The following TLK1 variants were observed in gnomAD, a reference collection of about 807,000 sequenced individuals.
TLK1 encodes tousled like kinase 1.
Under a neutral mutation model 105.3 loss-of-function variants are expected in TLK1, and 24 were observed. That is an observed-to-expected ratio of 0.23 (90% confidence interval 0.17 to 0.32). The LOEUF (loss-of-function observed/expected upper bound fraction) is 0.32, where lower values mean the gene tolerates loss of function less well. TLK1 is among the 10% of genes least tolerant of loss of function. The pLI is 1.00. For missense variants in TLK1, 558 were observed against 910.5 expected, an observed-to-expected ratio of 0.61 and a Z score of 4.98; for synonymous variants, 321 against 310.4, an observed-to-expected ratio of 1.03 and a Z score of -0.36.
chr2:171,033,097 T>C (rs1328540014), intron 11 of TLK1, among the ~76,000 whole-genome samples: 1 of 151,656 alleles, frequency 6.6e-6, no homozygotes, highest in African/African-American at 2.4e-5. Context: ...TCCCAGATAC[T>C]TGGGAGGTTG....
chr2:171,013,197 G>A (rs1354757479), intron 13 of TLK1, among the ~76,000 whole-genome samples: 1 of 151,518 alleles, frequency 6.6e-6, no homozygotes, highest in African/African-American at 2.4e-5. Flanking sequence ...ATTTTTAGTA[G>A]AGATGGGGTT....
chr2:171,139,335 C>T (rs1373609021), intron 1 of TLK1, among the ~76,000 whole-genome samples: 1 of 152,144 alleles, frequency 6.6e-6, no homozygotes, highest in African/African-American at 2.4e-5. Flanking sequence ...TGGTGGCTCA[C>T]GCCTGTAATC....
chr2:171,209,825 C>T (rs150494527), intron 1 of TLK1, among the ~76,000 whole-genome samples: 43 of 152,236 alleles, frequency 2.8e-4, no homozygotes, highest in African/African-American at 9.9e-4. Flanking sequence ...AGAAACTAAC[C>T]TTGCCTACAC....
chr2:171,059,595 G>A (rs1483816242), intron 4 of TLK1, among the ~76,000 whole-genome samples: 2 of 152,022 alleles, frequency 1.3e-5, no homozygotes, highest in Non-Finnish European at 2.9e-5. Flanking sequence ...TAAGGCAATA[G>A]TACCTCTGTT....
At chr2:171,149,539 G>A (rs1691945843) in intron 1 of TLK1, among the ~76,000 whole-genome samples, 1 of 152,128 alleles carries the variant, frequency 6.6e-6, no homozygotes, top group Non-Finnish European at 1.5e-5. Context: ...GGAGACACTG[G>A]GAAGAAAAAG....
At chr2:171,109,937 A>T (rs2105517899) in intron 2 of TLK1, among the ~76,000 whole-genome samples, 1 of 152,346 alleles carries the variant, frequency 6.6e-6, no homozygotes, top group East Asian at 1.9e-4. Flanking sequence ...GGCAGAACTA[A>T]TCTGTAGTGA....
At chr2:171,004,762 A>G (rs1353875600) in intron 18 of TLK1, among the ~76,000 whole-genome samples, 3 of 152,128 alleles carry the variant, frequency 2.0e-5, no homozygotes, top group Non-Finnish European at 2.9e-5. Flanking sequence ...TTAGAATAAG[A>G]TTTTGTTGTT....
intron 1 of TLK1, among the ~76,000 whole-genome samples, chr2:171,202,952 AG>A (rs1693432061): frequency 6.6e-6 from 1 of 152,112 alleles, no homozygotes; most frequent in Admixed American, 6.6e-5. Context: ...AGCATCTTTT[AG>A]GGTCCATATG....
intron 1 of TLK1, among the ~76,000 whole-genome samples, chr2:171,119,051 T>C (rs3755121): frequency 0.39 from 59,262 of 151,990 alleles, 12,915 homozygotes; most frequent in African/African-American, 0.57. Flanking sequence ...TCACTCCTTC[T>C]TGACATCCAA....
intron 18 of TLK1, among the ~76,000 whole-genome samples, chr2:171,000,060 T>C (rs1157497263): frequency 6.6e-6 from 1 of 152,142 alleles, no homozygotes; most frequent in African/African-American, 2.4e-5. Context: ...TGTCTAACTT[T>C]TGACTCTCCC....
intron 2 of TLK1, among the ~76,000 whole-genome samples, chr2:171,101,925 C>T (rs1689710887): frequency 6.6e-6 from 1 of 152,108 alleles, no homozygotes; most frequent in African/African-American, 2.4e-5. Context: ...TATTGAGAGG[C>T]AATGACTTAT....
At position 171,202,638 on chromosome 2, in the gene TLK1, T is replaced by G. The variant is rs189583555; in HGVS notation, c.-6+28507A>C. Among the ~76,000 whole-genome samples the G allele has an allele frequency of 2.1e-3, 316 of 152,076 alleles. No individual in the cohort carries two copies. The South Asian group carries it at 0.023, about 11-fold the overall frequency. The stretch of plus-strand genomic sequence containing the variant: ...TGGGCATGGTGGTGTGCGCCGGTAG[T>G]CCCAGCTACTTGGGAGGCTGAGGCA... On this transcript the variant is annotated intron_variant, in intron 1 of 20. Coordinates refer to the TLK1 transcript ENST00000521943.
At chr2:171,042,244 GT>G (rs966308111) in intron 11 of TLK1, among the ~76,000 whole-genome samples, 4 of 151,766 alleles carry the variant, frequency 2.6e-5, no homozygotes, top group Admixed American at 2.0e-4. Context: ...GATCAAATGT[GT>G]TTTTTTTATT....
chr2:171,105,189 G>A (rs959426660), intron 2 of TLK1, among the ~76,000 whole-genome samples: 2 of 152,100 alleles, frequency 1.3e-5, no homozygotes, highest in African/African-American at 4.8e-5. Context: ...TCACAGCAAA[G>A]GAAACAATCA....
intron 1 of TLK1, among the ~76,000 whole-genome samples, chr2:171,141,656 G>C (rs190659516): frequency 6.6e-6 from 1 of 152,030 alleles, no homozygotes; most frequent in African/African-American, 2.4e-5. Context: ...GGTCTCAAGG[G>C]CACTGTGCAT....
chr2:171,081,423 C>T (rs1298308963), intron 3 of TLK1, among the ~76,000 whole-genome samples: 2 of 152,034 alleles, frequency 1.3e-5, no homozygotes, highest in Non-Finnish European at 2.9e-5. Context: ...GTCTATGAAA[C>T]AGGAGGCAGG....
intron 1 of TLK1, among the ~76,000 whole-genome samples, chr2:171,200,195 C>T (rs1432046364): frequency 6.6e-6 from 1 of 152,140 alleles, no homozygotes; most frequent in Non-Finnish European, 1.5e-5. Context: ...TCCACTTTCC[C>T]CTCCCATCAA....
intron 3 of TLK1, chr2:171,066,959 G>C (rs1688026766): frequency 6.5e-7 from 1 of 1,541,832 alleles, no homozygotes; most frequent in African/African-American, 1.4e-5. Flanking sequence ...TTGGCATTTT[G>C]AAAGTGCTTG....
At chr2:171,015,415 A>AACACACACACAC (rs56238853) in intron 12 of TLK1, among the ~76,000 whole-genome samples, 50 of 132,694 alleles carry the variant, frequency 3.8e-4, no homozygotes, top group African/African-American at 1.3e-3. Context: ...TTGGAGTACA[A>AACACACACACAC]ACACACACAC....
Sources: gnomAD v4.1 joint callset for allele counts (sites outside exome capture counted in the v4.1 genomes callset) on GRCh38, gnomAD v4.1.1 for gene constraint, MANE v1.5 for transcripts, NCBI Gene and HGNC (gene_info 2026-07-23, HGNC 2026-07-21) for gene names.